Variants in RIMS2 observed in about 807,000 individuals in gnomAD.
RIMS2 encodes the protein regulating synaptic membrane exocytosis protein 2.
Under a neutral mutation model 174.4 loss-of-function variants are expected in RIMS2, and 59 were observed. That is an observed-to-expected ratio of 0.34 (90% CI 0.27 to 0.42). The LOEUF is 0.42. Among genes scored for constraint, RIMS2 ranks in the 10% least tolerant of loss-of-function variants. RIMS2 has a pLI of 1.00. For synonymous variants in RIMS2, 606 were observed against 572.5 expected, an observed-to-expected ratio of 1.06 and a Z score of -0.84; for missense variants, 1,620 against 1,666.3, an observed-to-expected ratio of 0.97 and a Z score of 0.48.
intron 19 of RIMS2, among the ~76,000 whole-genome samples, chr8:104,183,232 A>G (rs1304019155): frequency 6.6e-6 from 1 of 151,770 alleles, no homozygotes; most frequent in Non-Finnish European, 1.5e-5. Context: ...TATTTAATCT[A>G]TGTTCTGTAT....
chr8:104,238,949 C>T (rs994446674), intron 19 of RIMS2, among the ~76,000 whole-genome samples: 1 of 152,202 alleles, frequency 6.6e-6, no homozygotes, highest in Non-Finnish European at 1.5e-5. Flanking sequence ...GCCAACTATT[C>T]TTCATCCTGT....
intron 19 of RIMS2, among the ~76,000 whole-genome samples, chr8:104,159,395 A>G (rs987450388): frequency 6.6e-6 from 1 of 152,110 alleles, no homozygotes; most frequent in Admixed American, 6.6e-5. Flanking sequence ...TTTTGGTTCC[A>G]TATGAACTTT....
At chr8:103,710,492 T>G (rs1166374749) in intron 2 of RIMS2, among the ~76,000 whole-genome samples, 1 of 152,148 alleles carries the variant, frequency 6.6e-6, no homozygotes, top group Non-Finnish European at 1.5e-5. Flanking sequence ...AAAAGCCATA[T>G]TTTTAGTCAA....
chr8:103,753,484 A>G (rs1487562275), intron 2 of RIMS2, among the ~76,000 whole-genome samples: 1 of 151,992 alleles, frequency 6.6e-6, no homozygotes, highest in East Asian at 1.9e-4. Context: ...CTCTTTTTCT[A>G]TTGATTGGAA....
intron 3 of RIMS2, among the ~76,000 whole-genome samples, chr8:103,786,884 C>G (rs1424100594): frequency 2.0e-5 from 3 of 151,912 alleles, no homozygotes; most frequent in Non-Finnish European, 4.4e-5. Flanking sequence ...TAAAGTCTCC[C>G]ATTATTAATG....
intron 3 of RIMS2, among the ~76,000 whole-genome samples, chr8:103,840,036 G>C (rs2098930347): frequency 6.6e-6 from 1 of 152,132 alleles, no homozygotes; most frequent in Admixed American, 6.6e-5. Context: ...CTAATGTGAA[G>C]CTTACCGCTT....
chr8:103,918,473 C>G, exon 9 of RIMS2: 3 of 1,604,684 alleles, frequency 1.9e-6, no homozygotes, highest in Non-Finnish European at 2.6e-6. Context: ...AGCACACATG[C>G]ACAACTGGAG....
chr8:103,696,887 A>AAAAAAATT, intron 1 of RIMS2, among the ~76,000 whole-genome samples, 199 bp from the exon 4 acceptor site: 1 of 150,176 alleles, frequency 6.7e-6, no homozygotes, highest in Non-Finnish European at 1.5e-5. Flanking sequence ...AAAAAAAAAG[A>AAAAAAATT]AGGTAGAACT....
chr8:103,865,977 A>G (rs964686883), intron 3 of RIMS2, among the ~76,000 whole-genome samples: 2 of 152,222 alleles, frequency 1.3e-5, no homozygotes, highest in African/African-American at 4.8e-5. Flanking sequence ...GCCCTTCAGT[A>G]CATATAGATG....
intron 1 of RIMS2, among the ~76,000 whole-genome samples, chr8:103,551,295 A>G (rs1197780896): frequency 6.6e-6 from 1 of 152,226 alleles, no homozygotes; most frequent in Non-Finnish European, 1.5e-5. Flanking sequence ...CTGGTTCAAC[A>G]TACGAATGTC....
chr8:103,632,795 G>T (rs555324456), intron 1 of RIMS2, among the ~76,000 whole-genome samples: 1 of 137,734 alleles, frequency 7.3e-6, no homozygotes, highest in East Asian at 2.3e-4. Flanking sequence ...CTGGAGTGGC[G>T]CAATCTCGGC....
At chr8:104,152,025 T>G (rs887853764) in intron 19 of RIMS2, among the ~76,000 whole-genome samples, 9 of 152,198 alleles carry the variant, frequency 5.9e-5, no homozygotes, top group Non-Finnish European at 1.0e-4. Flanking sequence ...TTTACATGTT[T>G]GGCACAACTG....
At chr8:103,683,572 C>T (rs772285668) in intron 1 of RIMS2, among the ~76,000 whole-genome samples, 3 of 152,182 alleles carry the variant, frequency 2.0e-5, no homozygotes, top group South Asian at 2.1e-4. Context: ...TCCAATGCCT[C>T]CAGAACTGAA....
At chr8:103,649,554 C>T (rs2096409876) in intron 1 of RIMS2, among the ~76,000 whole-genome samples, 1 of 151,936 alleles carries the variant, frequency 6.6e-6, no homozygotes, top group South Asian at 2.1e-4. Context: ...TGGTTCCATT[C>T]TCCCCATCTC....
intron 3 of RIMS2, among the ~76,000 whole-genome samples, chr8:103,801,812 C>T (rs1005824312): frequency 6.6e-6 from 1 of 152,198 alleles, no homozygotes; most frequent in African/African-American, 2.4e-5. Flanking sequence ...AGATTGTCCA[C>T]TTTTGAAGCA....
intron 19 of RIMS2, among the ~76,000 whole-genome samples, chr8:104,194,258 G>A (rs2099012494): frequency 6.6e-6 from 1 of 151,950 alleles, no homozygotes; most frequent in Non-Finnish European, 1.5e-5. Flanking sequence ...AAATTCATGT[G>A]TTGGGGCAAG....
chr8:103,834,676 T>TTTTCTTCCTTTCTTTC (rs561054687), intron 3 of RIMS2, among the ~76,000 whole-genome samples: 2,255 of 120,092 alleles, frequency 0.019, 48 homozygotes, highest in Middle Eastern at 0.031. Context: ...TCTGAGGTCT[T>TTTTCTTCCTTTCTTTC]TTTCTTTCTT....
chr8:104,118,370 G>GTT lies in RIMS2; in HGVS notation c.3334+103768_3334+103769dup, dbSNP rs113018786. Among the ~76,000 whole-genome samples, 560 of 136,482 alleles carry GTT rather than the reference G, an allele frequency of 4.1e-3. 1 individual carries two copies. The highest frequency in any genetic ancestry group is 5.8e-3 in the Non-Finnish European group (373 of 64,140). 89.5% of individuals were successfully genotyped at this position (136,482 alleles called of 152,430 possible). A position where few individuals can be genotyped will look rare whatever the true frequency, so the allele number is the denominator to read the frequency against. ...TTATTTTTTGTTTTTTTGTTTTTTT[G>GTT]TTTTTTTTTTTTTTGAGACAGGGTC... On this transcript the variant is annotated intron_variant, in intron 19 of 23. Transcript: ENST00000504942.
chr8:104,107,973 C>A (rs1007197360), intron 19 of RIMS2, among the ~76,000 whole-genome samples: 7 of 150,980 alleles, frequency 4.6e-5, no homozygotes, highest in Non-Finnish European at 1.0e-4. Context: ...CCCTGCCCCC[C>A]CCCCACAATG....
Sources: allele counts gnomAD v4.1 joint callset (sites outside exome capture counted in the v4.1 genomes callset), GRCh38; gene constraint gnomAD v4.1.1; transcripts MANE v1.5; gene names NCBI Gene and HGNC (gene_info 2026-07-23, HGNC 2026-07-21).